The following ARHGAP26 variants were observed in gnomAD, a reference collection of about 807,000 sequenced individuals.
ARHGAP26 encodes the protein Rho GTPase activating protein 26, also known as rho GTPase-activating protein 26.
Under a neutral mutation model 104.8 loss-of-function variants are expected in ARHGAP26, and 38 were observed. That is an observed-to-expected ratio of 0.36 (90% CI 0.28 to 0.48). The LOEUF is 0.48. ARHGAP26 is among the 20% of genes least tolerant of loss of function. ARHGAP26 has a pLI of 0.99. For synonymous variants in ARHGAP26, 341 were observed against 340.0 expected (o/e 1.00, Z -0.03); for missense variants, 704 against 947.9 (o/e 0.74, Z 3.38).
At chr5:142,941,534 A>T (rs1766352125) in intron 11 of ARHGAP26, among the ~76,000 whole-genome samples, 1 of 152,178 alleles carries the variant, frequency 6.6e-6, no homozygotes, top group Admixed American at 6.5e-5. Flanking sequence ...CTTTTCCTCT[A>T]ACTGAATCAA....
chr5:142,802,824 T>C (rs1762322221), intron 1 of ARHGAP26, among the ~76,000 whole-genome samples: 1 of 152,190 alleles, frequency 6.6e-6, no homozygotes, highest in African/African-American at 2.4e-5. Context: ...ATTTGTTTGT[T>C]TAAATTAGGA....
chr5:142,887,896 C>T (rs931187001), intron 5 of ARHGAP26, among the ~76,000 whole-genome samples: 15 of 151,938 alleles, frequency 9.9e-5, no homozygotes, highest in African/African-American at 3.4e-4. Flanking sequence ...ACCAGGGAGG[C>T]GGAGGTTGCA....
intron 11 of ARHGAP26, among the ~76,000 whole-genome samples, chr5:142,978,589 A>G (rs1443752087): frequency 6.6e-6 from 1 of 152,190 alleles, no homozygotes; most frequent in Non-Finnish European, 1.5e-5. Flanking sequence ...TACCTGTTAA[A>G]TGGGGATGAT....
intron 20 of ARHGAP26, among the ~76,000 whole-genome samples, chr5:143,192,134 G>A: frequency 6.6e-6 from 1 of 152,324 alleles, no homozygotes; most frequent in Non-Finnish European, 1.5e-5. Context: ...TAAGACAACT[G>A]CAATTCAATG....
At chr5:142,901,199 G>A (rs185789503) in intron 6 of ARHGAP26, among the ~76,000 whole-genome samples, 23 of 152,298 alleles carry the variant, frequency 1.5e-4, no homozygotes, top group African/African-American at 7.2e-5. Context: ...ATATGAAGCC[G>A]TGTGGTGAGC....
chr5:143,015,024 C>G (rs901772565), intron 12 of ARHGAP26, among the ~76,000 whole-genome samples: 32 of 152,146 alleles, frequency 2.1e-4, no homozygotes, highest in African/African-American at 6.7e-4. Context: ...TTTTTCCCCC[C>G]CTTTCTTTCT....
intron 5 of ARHGAP26, among the ~76,000 whole-genome samples, chr5:142,886,569 G>T (rs938989664): frequency 1.3e-5 from 2 of 152,150 alleles, no homozygotes; most frequent in Non-Finnish European, 2.9e-5. Context: ...TTGACTATTT[G>T]GTGTGTGCTT....
intron 10 of ARHGAP26, among the ~76,000 whole-genome samples, chr5:142,918,437 G>A (rs944548831): frequency 6.6e-6 from 1 of 152,200 alleles, no homozygotes; most frequent in African/African-American, 2.4e-5. Context: ...GTGAGCCACC[G>A]TGCCCGGCCG....
intron 17 of ARHGAP26, among the ~76,000 whole-genome samples, chr5:143,100,271 C>T (rs770716804): frequency 9.2e-5 from 14 of 152,176 alleles, no homozygotes; most frequent in Non-Finnish European, 1.5e-4. Flanking sequence ...AAATACTCAT[C>T]CTAGAGAAGC....
At chr5:143,217,135 G>A (rs1175756586) in intron 22 of ARHGAP26, among the ~76,000 whole-genome samples, 2 of 152,182 alleles carry the variant, frequency 1.3e-5, no homozygotes, top group Admixed American at 1.3e-4. Context: ...GTGTGTATGT[G>A]TGTCTTTTTG....
chr5:142,777,929 T>C (rs1270837982), intron 1 of ARHGAP26, among the ~76,000 whole-genome samples: 7 of 152,228 alleles, frequency 4.6e-5, no homozygotes, highest in African/African-American at 1.7e-4. Context: ...GTACTCATAC[T>C]TTAAAAAGAT....
intron 20 of ARHGAP26, among the ~76,000 whole-genome samples, chr5:143,173,410 G>T (rs1273541744): frequency 6.6e-6 from 1 of 152,198 alleles, no homozygotes; most frequent in African/African-American, 2.4e-5. Flanking sequence ...AGGGAGTGGA[G>T]TCAGGAGAGC....
intron 20 of ARHGAP26, among the ~76,000 whole-genome samples, chr5:143,174,980 T>G (rs1803273697): frequency 6.6e-6 from 1 of 152,226 alleles, no homozygotes; most frequent in South Asian, 2.1e-4. Context: ...AATCTGTGAT[T>G]TAACTACATT....
Position 142,921,142 on chromosome 5 carries a change from A to G in ARHGAP26, c.1028+7849A>G, listed in dbSNP as rs114202519. Among the ~76,000 whole-genome samples the G allele has an allele frequency of 5.7e-3, 865 of 152,310 alleles. 10 individuals are homozygous for G. The highest frequency in any genetic ancestry group is 0.018 in the African/African-American group (767 of 41,552). Reference sequence around the variant, plus strand: ...GTAGCTCTCCTCTGATCTAGTCCCAACCTAGCATTTCACATCCACTGTCAA... The same window carrying G: ...GTAGCTCTCCTCTGATCTAGTCCCAGCCTAGCATTTCACATCCACTGTCAA... On this transcript the variant is annotated intron_variant, in intron 10 of 22. Coordinates refer to ENST00000645722, the MANE Select transcript of ARHGAP26 (RefSeq NM_001135608.3).
intron 17 of ARHGAP26, among the ~76,000 whole-genome samples, chr5:143,095,173 G>A (rs1451780280): frequency 2.7e-5 from 4 of 150,170 alleles, no homozygotes; most frequent in Non-Finnish European, 5.9e-5. Flanking sequence ...TAATATATAT[G>A]TATAAAAACA....
At chr5:143,182,170 G>GT (rs1266205884) in intron 20 of ARHGAP26, among the ~76,000 whole-genome samples, 17 of 152,128 alleles carry the variant, frequency 1.1e-4, no homozygotes, top group Admixed American at 1.1e-3. Flanking sequence ...CCTAATAGTA[G>GT]TAAGAGTTGA....
chr5:142,910,625 G>A (rs1761709892), intron 9 of ARHGAP26, among the ~76,000 whole-genome samples: 1 of 152,164 alleles, frequency 6.6e-6, no homozygotes, highest in African/African-American at 2.4e-5. Flanking sequence ...TGTAATCCCA[G>A]CTATTTGGGA....
At position 143,056,015 on chromosome 5, in the gene ARHGAP26, C is replaced by T; in HGVS notation, c.1374-13C>T. ...TATTATTAAGCTGACTAGCCTATCTCCTTTTCCTCCAGAATGCTTCCAGGA... is the reference window on the plus strand; with the variant it reads ...TATTATTAAGCTGACTAGCCTATCTTCTTTTCCTCCAGAATGCTTCCAGGA... On this transcript the variant is annotated splice_polypyrimidine_tract_variant and intron_variant, in intron 15 of 22. Coordinates refer to ENST00000645722, the MANE Select transcript of ARHGAP26 (RefSeq NM_001135608.3). The T allele has an allele frequency of 6.2e-7, 1 of 1,607,742 alleles. No individual in the cohort carries two copies. Among genetic ancestry groups the T allele is most frequent in the Non-Finnish European group, 8.5e-7 (1 of 1,175,240 alleles).
intron 20 of ARHGAP26, among the ~76,000 whole-genome samples, chr5:143,160,060 C>CTTT (rs200678768): frequency 3.7e-5 from 5 of 133,982 alleles, no homozygotes; most frequent in Admixed American, 7.5e-5. Flanking sequence ...AAAGATTTTT[C>CTTT]TTTTTTTTTT....
Sources: allele counts gnomAD v4.1 joint callset (sites outside exome capture counted in the v4.1 genomes callset), GRCh38; gene constraint gnomAD v4.1.1; transcripts MANE v1.5; gene names NCBI Gene and HGNC (gene_info 2026-07-23, HGNC 2026-07-21).